DDAH1: variants seen among roughly 807,000 people sequenced by gnomAD.
DDAH1 encodes the protein N(G),N(G)-dimethylarginine dimethylaminohydrolase 1.
In DDAH1, 19 loss-of-function variants were observed where a neutral mutation model predicts 28.8. The observed-to-expected ratio is 0.66, with a 90% CI of 0.46 to 0.97. The LOEUF (loss-of-function observed/expected upper bound fraction) is 0.97, where lower values mean the gene tolerates loss of function less well. DDAH1 is among the 50% of genes least tolerant of loss of function. DDAH1 has a pLI of 0.00. For missense variants in DDAH1, 326 were observed against 375.9 expected (o/e 0.87, Z 1.10); for synonymous variants, 153 against 154.4 (o/e 0.99, Z 0.07).
intron 1 of DDAH1, among the ~76,000 whole-genome samples, chr1:85,420,620 T>A (rs1358996595): frequency 6.6e-6 from 1 of 152,194 alleles, no homozygotes; most frequent in Non-Finnish European, 1.5e-5. Flanking sequence ...CTCATTTCCA[T>A]CTGAGACCTT....
intron 1 of DDAH1, among the ~76,000 whole-genome samples, chr1:85,406,235 A>G (rs1652397031): frequency 6.6e-6 from 1 of 152,240 alleles, no homozygotes; most frequent in Non-Finnish European, 1.5e-5. Context: ...TATTTGATAC[A>G]GTCCTCATAG....
rs530728315 is a variant in DDAH1 at position 85,427,607 on chromosome 1, T to A, written c.303+37136A>T. On this transcript the variant is annotated intron_variant, in intron 1 of 5. Coordinates refer to ENST00000284031, the MANE Select transcript of DDAH1 (RefSeq NM_012137.4). ...GGGACAGACTGAAATAGTCATCATC[T>A]TCTTACATGATCATTAAACTGGGTA... 2.0e-5 allele frequency among the ~76,000 whole-genome samples: 3 copies of A among 152,362 alleles called. No homozygotes were observed. The South Asian group carries it at 6.2e-4, about 32-fold the overall frequency.
intron 1 of DDAH1, among the ~76,000 whole-genome samples, chr1:85,547,143 T>TA (rs1658650028): frequency 6.6e-6 from 1 of 152,004 alleles, no homozygotes; most frequent in Admixed American, 6.6e-5. Context: ...CTGGTAGGAG[T>TA]ACTGGAACCA....
At chr1:85,567,836 C>T (rs1454467247) in intron 1 of DDAH1, among the ~76,000 whole-genome samples, 1 of 152,130 alleles carries the variant, frequency 6.6e-6, no homozygotes, top group Non-Finnish European at 1.5e-5. Flanking sequence ...ACAAAAAAAT[C>T]AACACTATCA....
intron 2 of DDAH1, among the ~76,000 whole-genome samples, chr1:85,477,182 A>G (rs1321956253): frequency 6.6e-6 from 1 of 152,166 alleles, no homozygotes; most frequent in Non-Finnish European, 1.5e-5. Context: ...ACAAGGTGGG[A>G]GGGAATTTAG....
intron 5 of DDAH1, among the ~76,000 whole-genome samples, chr1:85,323,159 G>T (rs1331091677): frequency 6.6e-6 from 1 of 152,100 alleles, no homozygotes; most frequent in East Asian, 1.9e-4. Flanking sequence ...GCTGTGATTA[G>T]AGAGTGAACC....
chr1:85,468,091 A>G (rs1655449063), upstream of DDAH1, among the ~76,000 whole-genome samples: 1 of 152,256 alleles, frequency 6.6e-6, no homozygotes. Flanking sequence ...AGGGAAAGGC[A>G]TTTTCAAAGG....
At chr1:85,326,830 G>C (rs891776967) in intron 4 of DDAH1, among the ~76,000 whole-genome samples, 2 of 152,194 alleles carry the variant, frequency 1.3e-5, no homozygotes, top group Non-Finnish European at 2.9e-5. Context: ...TTACAGCCCT[G>C]ATTAGAAACC....
chr1:85,324,062 G>T (rs145056195), intron 5 of DDAH1, among the ~76,000 whole-genome samples: 1 of 150,610 alleles, frequency 6.6e-6, no homozygotes. Flanking sequence ...TTGAGCTCAC[G>T]AATTTGATAC....
chr1:85,357,218 G>A (rs1297154905), intron 2 of DDAH1, among the ~76,000 whole-genome samples: 7 of 152,154 alleles, frequency 4.6e-5, no homozygotes, highest in African/African-American at 7.2e-5. Context: ...AGAATGCAGC[G>A]TAGGCCTTCT....
chr1:85,331,163 C>T (rs1254911301), intron 4 of DDAH1, among the ~76,000 whole-genome samples: 2 of 152,162 alleles, frequency 1.3e-5, no homozygotes, highest in Non-Finnish European at 2.9e-5. Context: ...CAGGCATTTC[C>T]GGCAGTTCCC....
Position 85,433,554 on chromosome 1 carries a change from G to A in DDAH1, c.303+31189C>T, listed in dbSNP as rs190275991. Among the ~76,000 whole-genome samples the A allele has an allele frequency of 9.9e-5, 15 of 152,218 alleles. No homozygotes were observed. The East Asian group carries it at 2.1e-3, about 22-fold the overall frequency. On this transcript the variant is annotated intron_variant, in intron 1 of 5. Coordinates refer to ENST00000284031, the MANE Select transcript of DDAH1 (RefSeq NM_012137.4). ...TGTAAGGAATTTTACAGGTATTATC[G>A]TCAATCCAACAACTAGGCAAACAAC...
At chr1:85,500,139 TTTC>T (rs749321195) in intron 1 of DDAH1, among the ~76,000 whole-genome samples, 3,541 of 99,174 alleles carry the variant, frequency 0.036, 137 homozygotes, top group African/African-American at 0.11. Context: ...TCTTTCTTTC[TTTC>T]TTTCTTTTCT....
intron 1 of DDAH1, among the ~76,000 whole-genome samples, chr1:85,558,453 G>A (rs1471039610): frequency 6.6e-6 from 1 of 152,228 alleles, no homozygotes; most frequent in Non-Finnish European, 1.5e-5. Flanking sequence ...ACTTTTGCAA[G>A]TTCCATTAGG....
intron 1 of DDAH1, among the ~76,000 whole-genome samples, chr1:85,506,931 C>T (rs190141393): frequency 6.6e-5 from 10 of 152,084 alleles, no homozygotes; most frequent in East Asian, 1.9e-4. Context: ...AGAGTGACCA[C>T]GGGGATAGAA....
At chr1:85,367,510 A>G (rs1650138114) in intron 1 of DDAH1, among the ~76,000 whole-genome samples, 1 of 152,216 alleles carries the variant, frequency 6.6e-6, no homozygotes, top group Non-Finnish European at 1.5e-5. Context: ...ATTAATAATA[A>G]ATACAATTTA....
At chr1:85,348,508 ACT>A (rs1649004033) in intron 4 of DDAH1, among the ~76,000 whole-genome samples, 1 of 151,682 alleles carries the variant, frequency 6.6e-6, no homozygotes, top group Non-Finnish European at 1.5e-5. Context: ...CCCACTAGAA[ACT>A]CTACGAGTTG....
chr1:85,408,636 C>T (rs958160576), intron 1 of DDAH1, among the ~76,000 whole-genome samples: 2 of 152,182 alleles, frequency 1.3e-5, no homozygotes, highest in African/African-American at 4.8e-5. Context: ...AAGTTATACA[C>T]ATCCACTAAA....
chr1:85,550,125 A>G (rs919308645), intron 1 of DDAH1, among the ~76,000 whole-genome samples: 2 of 152,190 alleles, frequency 1.3e-5, no homozygotes, highest in African/African-American at 4.8e-5. Context: ...TTACATATTT[A>G]CATATTCTAT....
Sources: allele counts gnomAD v4.1 joint callset (sites outside exome capture counted in the v4.1 genomes callset), GRCh38; gene constraint gnomAD v4.1.1; transcripts MANE v1.5; gene names NCBI Gene and HGNC (gene_info 2026-07-23, HGNC 2026-07-21).